The following TMEM39A variants were observed in gnomAD, a reference collection of about 807,000 sequenced individuals.
The protein encoded by TMEM39A is transmembrane protein 39A.
Under a neutral mutation model 51.9 loss-of-function variants are expected in TMEM39A, and 19 were observed. The observed-to-expected ratio is 0.37, with a 90% CI of 0.26 to 0.54. The LOEUF (loss-of-function observed/expected upper bound fraction) is 0.54. Ranked by LOEUF, TMEM39A falls within the 20% of genes least tolerant of loss-of-function variation. TMEM39A has a pLI of 0.88. For synonymous variants in TMEM39A, 197 were observed against 220.2 expected (o/e 0.89, Z 0.93); for missense variants, 433 against 590.5 (o/e 0.73, Z 2.76).
chr3:119,450,122 T>C (rs544470680), intron 4 of TMEM39A, among the ~76,000 whole-genome samples: 1 of 152,378 alleles, frequency 6.6e-6, no homozygotes, highest in African/African-American at 2.4e-5. Context: ...TTATTTTAAA[T>C]TTTTGAATAG....
intron 4 of TMEM39A, chr3:119,451,125 C>A: frequency 3.5e-6 from 2 of 570,440 alleles, no homozygotes; most frequent in African/African-American, 2.0e-5. Context: ...AAGTGAGTTT[C>A]TATTTCCATC....
At chr3:119,436,575 C>T in intron 7 of TMEM39A, 2 of 474,838 alleles carry the variant, frequency 4.2e-6, no homozygotes, top group Non-Finnish European at 7.6e-6. Flanking sequence ...AGTGACTGGG[C>T]AGCTGAAAGG....
At chr3:119,456,087 GATA>G in intron 3 of TMEM39A, among the ~76,000 whole-genome samples, 1 of 152,290 alleles carries the variant, frequency 6.6e-6, no homozygotes, top group South Asian at 2.1e-4. Context: ...GAGCAAATGA[GATA>G]ATACTTGTAA....
At chr3:119,451,830 CAAAAAAAAA>C (rs10653676) in intron 4 of TMEM39A, among the ~76,000 whole-genome samples, 5 of 54,304 alleles carry the variant, frequency 9.2e-5, no homozygotes, top group East Asian at 5.4e-4. Flanking sequence ...AACTCCGTCT[CAAAAAAAAA>C]AAAAAAAAAA....
chr3:119,455,423 C>T (rs747362476), intron 3 of TMEM39A, among the ~76,000 whole-genome samples: 3 of 152,226 alleles, frequency 2.0e-5, no homozygotes, highest in Non-Finnish European at 4.4e-5. Context: ...AGCCAATCTA[C>T]TCTACAACCT....
At chr3:119,450,629 C>T (rs2081185313) in intron 4 of TMEM39A, among the ~76,000 whole-genome samples, 1 of 151,880 alleles carries the variant, frequency 6.6e-6, no homozygotes, top group South Asian at 2.1e-4. Context: ...CGAGACCAGC[C>T]TGGCCAACAT....
intron 3 of TMEM39A, among the ~76,000 whole-genome samples, chr3:119,457,064 G>A (rs1047329014): frequency 4.0e-5 from 6 of 150,804 alleles, no homozygotes; most frequent in Admixed American, 6.6e-5. Flanking sequence ...TCCACCTCCC[G>A]GGTTCATGCC....
chr3:119,458,158 C>A lies in TMEM39A; in HGVS notation c.196G>T (p.Asp66Tyr). 2 of 1,614,162 alleles carry A rather than the reference C, an allele frequency of 1.2e-6. No individual in the cohort carries two copies. Among genetic ancestry groups the A allele is most frequent in the South Asian group, 2.2e-5 (2 of 91,064 alleles). The change falls in exon 3 of 9, where the codon GAC becomes TAC. Residue 66 changes from aspartate to tyrosine, a missense_variant. Physicochemically the swap from Asp to Tyr is radical, Grantham distance 160. Transcript: ENST00000319172. ...AGTAGGCTCCCATCCACAGGCAAGT[C>A]AGGAATTTGGCAATGACGAACAGGA... The part of the protein sequence containing the change: ...PGPVRHCQIP[D>Y]LPVDGSLLFE...
At chr3:119,455,546 T>A (rs577143148) in intron 3 of TMEM39A, among the ~76,000 whole-genome samples, 12 of 152,202 alleles carry the variant, frequency 7.9e-5, no homozygotes, top group African/African-American at 9.7e-5. Flanking sequence ...ACCACAGGCA[T>A]CATATAAAAC....
At chr3:119,458,641 T>C (rs1338343480) in intron 2 of TMEM39A, among the ~76,000 whole-genome samples, 1 of 152,086 alleles carries the variant, frequency 6.6e-6, no homozygotes, top group Admixed American at 6.5e-5. Context: ...ACACCTGTAA[T>C]CCCAGCACTT....
rs966554999 is a variant in TMEM39A, at chr3:119,430,616, A to G, written c.*1365T>C. On this transcript the variant is annotated 3_prime_UTR_variant, in exon 9 of 9. Transcript: ENST00000319172. The stretch of plus-strand genomic sequence containing the variant: ...ATGCCAAATAATGTTAACTTAAAAA[A>G]AAAGTATACACATCAAAATATTTAA... 3.3e-5 allele frequency: 5 copies of G among 152,158 alleles called. No homozygotes were observed. Among genetic ancestry groups the G allele is most frequent in the Non-Finnish European group, 5.9e-5 (4 of 67,996 alleles). The allele number at this position is 152,158 out of a possible 1,614,324, so 9.4% of individuals were successfully genotyped here.
intron 6 of TMEM39A, 145 bp from the exon 7 acceptor site, chr3:119,437,123 A>G: frequency 1.5e-6 from 1 of 647,636 alleles, no homozygotes; most frequent in South Asian, 2.7e-5. Flanking sequence ...GAAAAGTTCA[A>G]GAGCAGAGTC....
chr3:119,449,314 CT>C (rs1210693942), intron 4 of TMEM39A, among the ~76,000 whole-genome samples: 1 of 152,150 alleles, frequency 6.6e-6, no homozygotes, highest in Non-Finnish European at 1.5e-5. Flanking sequence ...TGGCTCACAC[CT>C]GTAATCCCAG....
chr3:119,440,586 T>C (rs2081039252), intron 5 of TMEM39A, among the ~76,000 whole-genome samples: 2 of 152,160 alleles, frequency 1.3e-5, no homozygotes, highest in Non-Finnish European at 2.9e-5. Flanking sequence ...TGAGAAGCTA[T>C]TTGAGAACTG....
rs1158378490 is a variant in TMEM39A, at chr3:119,452,507, A to G, written c.360T>C (p.His120=). 4 of 1,613,606 alleles carry G rather than the reference A, an allele frequency of 2.5e-6. No homozygotes were observed. The South Asian group carries it at 4.4e-5, about 18-fold the overall frequency. The change falls in exon 4 of 9, where the codon CAT becomes CAC. Residue 120 remains histidine (H), a synonymous_variant. Coordinates refer to ENST00000319172, the MANE Select transcript of TMEM39A (RefSeq NM_018266.3). ...TSLNFHLIDY[H]LAAFITVMLA... Reference sequence around the variant, plus strand: ...GCATCACTGTGATGAATGCTGCCAGATGATAATCAATGAGATGAAAATTCT... The same window carrying G: ...GCATCACTGTGATGAATGCTGCCAGGTGATAATCAATGAGATGAAAATTCT...
At chr3:119,454,364 T>G (rs1405281698) in intron 3 of TMEM39A, among the ~76,000 whole-genome samples, 5 of 152,164 alleles carry the variant, frequency 3.3e-5, no homozygotes, top group African/African-American at 9.7e-5. Flanking sequence ...CTAACAGTAT[T>G]TATCCCCTCC....
chr3:119,434,954 G>GGCAAA, intron 7 of TMEM39A, 72 bp from the exon 8 acceptor site: 1 of 1,541,638 alleles, frequency 6.5e-7, no homozygotes, highest in Non-Finnish European at 8.8e-7. Flanking sequence ...AAGGCCAGCT[G>GGCAAA]TATTTTTATG....
In TMEM39A at chr3:119,447,121, C is replaced by A. The variant is rs775024449; in HGVS notation, c.472G>T (p.Ala158Ser). ...CACAAAGTGAGTAGTACCAAGCGAG[C>A]TGATATCAGAACCATGTAGTGAATC... ...SMIHYMVLISARLVLLTLCGW... is the reference protein window; with the variant it reads ...SMIHYMVLISSRLVLLTLCGW... Residue 158 changes from alanine to serine, a missense_variant, in exon 5 of 9, where the codon GCT becomes TCT. This residue lies in a region of TMEM39A where 170 missense variants were observed against 239.8 expected (regional missense o/e 0.71). Coordinates refer to ENST00000319172, the MANE Select transcript of TMEM39A (RefSeq NM_018266.3). 16 of 1,614,002 alleles carry A rather than the reference C, an allele frequency of 9.9e-6. No individual in the cohort carries two copies. Among genetic ancestry groups the A allele is most frequent in the African/African-American group, 2.7e-5 (2 of 74,914 alleles).
intron 8 of TMEM39A, 77 bp downstream of exon 8, chr3:119,434,685 C>G (rs536480577): frequency 6.4e-7 from 1 of 1,564,850 alleles, no homozygotes; most frequent in South Asian, 1.2e-5. Context: ...ACATGCTATG[C>G]TACATGCTTC....
Sources: allele counts gnomAD v4.1 joint callset (sites outside exome capture counted in the v4.1 genomes callset), GRCh38; gene constraint gnomAD v4.1.1; regional missense constraint gnomAD v4.1.1; transcripts MANE v1.5; gene names NCBI Gene and HGNC (gene_info 2026-07-23, HGNC 2026-07-21).